PKP2: variants seen among roughly 807,000 people sequenced by gnomAD.
PKP2 encodes plakophilin 2.
A neutral mutation model predicts 83.4 loss-of-function variants in PKP2; 73 were observed. The observed-to-expected ratio is 0.88, with a 90% confidence interval of 0.72 to 1.06. The LOEUF is 1.06. Among genes scored for constraint, PKP2 ranks in the 50% least tolerant of loss-of-function variants. The pLI, the probability that PKP2 is intolerant of heterozygous loss-of-function variation, is 0.00. For synonymous variants in PKP2, 409 were observed against 430.4 expected, an observed-to-expected ratio of 0.95 and a Z score of 0.62; for missense variants, 966 against 1,065.4, an observed-to-expected ratio of 0.91 and a Z score of 1.30.
chr12:32,799,178 A>C (rs1008498477), intron 10 of PKP2, among the ~76,000 whole-genome samples: 1 of 152,206 alleles, frequency 6.6e-6, no homozygotes, highest in Non-Finnish European at 1.5e-5. Context: ...CATACATATG[A>C]AAAAATGCTC....
chr12:32,820,436 C>T (rs977438456), intron 9 of PKP2: 1 of 151,962 alleles, frequency 6.6e-6, no homozygotes, highest in Non-Finnish European at 1.5e-5. Flanking sequence ...AAGGGAATAA[C>T]CTTTTACTAT....
chr12:32,862,526 TC>T (rs1272501693), intron 4 of PKP2, among the ~76,000 whole-genome samples: 1 of 148,916 alleles, frequency 6.7e-6, no homozygotes, highest in African/African-American at 2.5e-5. Flanking sequence ...ATGCCTGTAA[TC>T]CCAGCTACTC....
intron 6 of PKP2, among the ~76,000 whole-genome samples, chr12:32,832,261 C>T (rs1172256186): frequency 1.3e-5 from 2 of 151,922 alleles, no homozygotes; most frequent in Non-Finnish European, 2.9e-5. Flanking sequence ...ACCTGTAGTC[C>T]CAGCTACTCA....
At chr12:32,835,220 AT>A (rs1956534563) in intron 6 of PKP2, among the ~76,000 whole-genome samples, 1 of 151,614 alleles carries the variant, frequency 6.6e-6, no homozygotes, top group African/African-American at 2.4e-5. Flanking sequence ...CACCCAGCTA[AT>A]TTTTTGTATT....
chr12:32,848,606 C>T (rs1468458458), intron 5 of PKP2, among the ~76,000 whole-genome samples: 1 of 151,984 alleles, frequency 6.6e-6, no homozygotes, highest in African/African-American at 2.4e-5. Context: ...CAAATGGGAG[C>T]TAAACATTGG....
chr12:32,828,613 T>C (rs1005850131), intron 6 of PKP2, among the ~76,000 whole-genome samples: 1 of 152,224 alleles, frequency 6.6e-6, no homozygotes, highest in South Asian at 2.1e-4. Context: ...TTAACTGCTC[T>C]AACAGGATTG....
chr12:32,803,461 G>C (rs1956200631), intron 9 of PKP2, among the ~76,000 whole-genome samples: 1 of 152,156 alleles, frequency 6.6e-6, no homozygotes, highest in Admixed American at 6.5e-5. Flanking sequence ...TAAATAAAAT[G>C]GATTTCCCTT....
intron 9 of PKP2, among the ~76,000 whole-genome samples, chr12:32,812,978 A>T (rs1173176660): frequency 1.3e-5 from 2 of 152,240 alleles, no homozygotes; most frequent in African/African-American, 4.8e-5. Flanking sequence ...TCGTGGGCAC[A>T]GTCGGTCTGA....
intron 4 of PKP2, among the ~76,000 whole-genome samples, chr12:32,855,964 T>A (rs1331954714): frequency 2.6e-5 from 4 of 151,154 alleles, no homozygotes; most frequent in Non-Finnish European, 5.9e-5. Flanking sequence ...GAAATAAAAA[T>A]TTTTTTTTGT....
chr12:32,860,006 A>C (rs552502088), intron 4 of PKP2, among the ~76,000 whole-genome samples: 1 of 152,336 alleles, frequency 6.6e-6, no homozygotes, highest in East Asian at 1.9e-4. Flanking sequence ...GATAGTAACT[A>C]ACAACTCAAC....
chr12:32,834,831 T>A (rs1048171999), intron 6 of PKP2, among the ~76,000 whole-genome samples: 1 of 152,098 alleles, frequency 6.6e-6, no homozygotes, highest in African/African-American at 2.4e-5. Flanking sequence ...ATTGGTTTTA[T>A]TGATGCTACA....
intron 5 of PKP2, among the ~76,000 whole-genome samples, chr12:32,846,337 G>A (rs933882902): frequency 1.3e-5 from 2 of 152,250 alleles, no homozygotes; most frequent in East Asian, 3.9e-4. Context: ...TCACCGGGGT[G>A]GGGGGAGTGG....
chr12:32,869,980 G>A (rs1274355744), intron 3 of PKP2, among the ~76,000 whole-genome samples: 1 of 152,092 alleles, frequency 6.6e-6, no homozygotes, highest in Non-Finnish European at 1.5e-5. Flanking sequence ...AATGAGCCTT[G>A]GTCACACCAC....
chr12:32,871,900 TA>T (rs1423843134), intron 3 of PKP2, among the ~76,000 whole-genome samples: 1 of 152,196 alleles, frequency 6.6e-6, no homozygotes, highest in Non-Finnish European at 1.5e-5. Flanking sequence ...CCCCATCCCC[TA>T]GAACAGCTAG....
At chr12:32,845,599 C>A (rs1956637596) in intron 5 of PKP2, among the ~76,000 whole-genome samples, 1 of 152,088 alleles carries the variant, frequency 6.6e-6, no homozygotes, top group South Asian at 2.1e-4. Context: ...ACCTCTAGGA[C>A]AGAAAATATA....
chr12:32,870,276 G>C (rs1217009824), intron 3 of PKP2, among the ~76,000 whole-genome samples: 7 of 152,104 alleles, frequency 4.6e-5, no homozygotes, highest in African/African-American at 1.4e-4. Context: ...AGTGTGTACA[G>C]CCTTATGAAG....
intron 4 of PKP2, chr12:32,863,333 C>T (rs1380310105): frequency 1.6e-5 from 4 of 256,972 alleles, no homozygotes; most frequent in East Asian, 2.1e-4. Flanking sequence ...GTAACTTGGG[C>T]GCATGAACAC....
At chr12:32,834,704 G>C (rs997436061) in intron 6 of PKP2, among the ~76,000 whole-genome samples, 1 of 150,750 alleles carries the variant, frequency 6.6e-6, no homozygotes, top group Non-Finnish European at 1.5e-5. Context: ...AAAGAAGACT[G>C]GGGGGGAGGA....
At chr12:32,838,352 G>C (rs1207490940) in intron 6 of PKP2, among the ~76,000 whole-genome samples, 1 of 152,060 alleles carries the variant, frequency 6.6e-6, no homozygotes, top group Non-Finnish European at 1.5e-5. Flanking sequence ...GCAGGAAAAA[G>C]GGTTGAAAAT....
Sources: gnomAD v4.1 joint callset for allele counts (sites outside exome capture counted in the v4.1 genomes callset) on GRCh38, gnomAD v4.1.1 for gene constraint, MANE v1.5 for transcripts, NCBI Gene and HGNC (gene_info 2026-07-23, HGNC 2026-07-21) for gene names.